The following CYYR1 variants were observed in gnomAD, a reference collection of about 807,000 sequenced individuals.
The protein encoded by CYYR1 is cysteine and tyrosine rich 1.
CYYR1 carries 14 observed loss-of-function variants against 15.2 expected under a neutral mutation model. That is an observed-to-expected ratio of 0.92 (90% CI 0.61 to 1.44). The LOEUF (loss-of-function observed/expected upper bound fraction) is 1.44, where lower values mean the gene tolerates loss of function less well. CYYR1 is among the 40% of genes most tolerant of loss of function. The pLI, the probability that CYYR1 is intolerant of heterozygous loss-of-function variation, is 0.00. For missense variants in CYYR1, 228 were observed against 209.5 expected, an observed-to-expected ratio of 1.09 and a Z score of -0.54; for synonymous variants, 80 against 77.4, an observed-to-expected ratio of 1.03 and a Z score of -0.18.
chr21:26,481,011 A>G (rs1397054258), intron 2 of CYYR1, among the ~76,000 whole-genome samples: 1 of 152,180 alleles, frequency 6.6e-6, no homozygotes, highest in Admixed American at 6.5e-5. Context: ...GAAGAACATA[A>G]ATAAAACTTC....
rs1415431706 is a variant in CYYR1 at position 26,466,826 on chromosome 21, T to A, written c.*1675A>T. On this transcript the variant is annotated 3_prime_UTR_variant, in exon 4 of 4. Transcript: ENST00000652641. ...CCCTCACCAGAACAGGCTGAAACTC[T>A]TGAATGCTTTGCATCCTCATATATA... 1 of 152,178 alleles carries A rather than the reference T, an allele frequency of 6.6e-6. No homozygotes were observed. Among genetic ancestry groups the A allele is most frequent in the Non-Finnish European group, 1.5e-5 (1 of 68,018 alleles). 9.4% of individuals were successfully genotyped at this position (152,178 alleles called of 1,614,324 possible). A position where few individuals can be genotyped will look rare whatever the true frequency, so the allele number is the denominator to read the frequency against.
At position 26,468,769 on chromosome 21, in the gene CYYR1, G is replaced by C. The variant is rs1295497725; in HGVS notation, c.335-135C>G. 4.8e-6 allele frequency: 3 copies of C among 629,922 alleles called. No individual in the cohort carries two copies. In the African/African-American group the frequency reaches 5.5e-5, roughly 11 times the overall value. The allele number at this position is 629,922 out of a possible 1,614,324, so 39.0% of individuals were successfully genotyped here. On this transcript the variant is annotated intron_variant, in intron 3 of 3. Coordinates refer to ENST00000652641, the MANE Select transcript of CYYR1 (RefSeq NM_001320768.2). ...AAAAATCTTAGTTTTATTAGGTCAGGACCACATATGTATGAAAGGGTAAGT... is the reference window on the plus strand; with the variant it reads ...AAAAATCTTAGTTTTATTAGGTCAGCACCACATATGTATGAAAGGGTAAGT...
chr21:26,538,905 T>C (rs1008608243), intron 2 of CYYR1, among the ~76,000 whole-genome samples: 5 of 152,192 alleles, frequency 3.3e-5, no homozygotes, highest in African/African-American at 1.2e-4. Context: ...ATTAAATTTG[T>C]GATATAGTCA....
chr21:26,547,621 C>T (rs1306085871), intron 2 of CYYR1, among the ~76,000 whole-genome samples: 1 of 152,154 alleles, frequency 6.6e-6, no homozygotes, highest in East Asian at 1.9e-4. Flanking sequence ...CTCCCATGCG[C>T]ATTAATAATT....
In CYYR1 at chr21:26,530,375, C is replaced by T. The variant is rs571672710; in HGVS notation, c.176+35891G>A. 2.6e-5 allele frequency among the ~76,000 whole-genome samples: 4 copies of T among 151,792 alleles called. 1 individual carries two copies. The South Asian group carries it at 8.4e-4, about 32-fold the overall frequency. ...GCAGCATTTTCTGCAAATGTTGCCT[C>T]CAGTTATAGTTTTTCTTTTAATTGT... On this transcript the variant is annotated intron_variant, in intron 2 of 3. Coordinates refer to ENST00000652641, the MANE Select transcript of CYYR1 (RefSeq NM_001320768.2).
At chr21:26,489,606 T>C (rs2065298425) in intron 2 of CYYR1, among the ~76,000 whole-genome samples, 1 of 151,936 alleles carries the variant, frequency 6.6e-6, no homozygotes, top group Admixed American at 6.6e-5. Context: ...GATATATATT[T>C]AACTGTGTGG....
chr21:26,485,209 A>G (rs1480606628), intron 2 of CYYR1, among the ~76,000 whole-genome samples: 2 of 152,064 alleles, frequency 1.3e-5, no homozygotes, highest in Non-Finnish European at 2.9e-5. Context: ...ATTTTAAAAT[A>G]ATTATAAATT....
intron 2 of CYYR1, among the ~76,000 whole-genome samples, chr21:26,512,755 G>GT (rs1445772713): frequency 6.6e-6 from 1 of 152,128 alleles, no homozygotes; most frequent in Non-Finnish European, 1.5e-5. Context: ...GAGTTGAGTA[G>GT]TTACAACATA....
intron 2 of CYYR1, among the ~76,000 whole-genome samples, chr21:26,484,701 T>A (rs2065228297): frequency 6.6e-6 from 1 of 152,118 alleles, no homozygotes; most frequent in Non-Finnish European, 1.5e-5. Context: ...GCATAGAGTT[T>A]CCAAACTATG....
chr21:26,484,400 T>C (rs139877796), intron 2 of CYYR1, among the ~76,000 whole-genome samples: 265 of 152,270 alleles, frequency 1.7e-3, no homozygotes, highest in African/African-American at 6.2e-3. Flanking sequence ...ATTAAGAATA[T>C]CAATAATCTC....
In CYYR1 at chr21:26,572,988, G is replaced by C. The variant is rs1165299406; in HGVS notation, c.-48C>G. The C allele has an allele frequency of 1.2e-6, 2 of 1,612,898 alleles. No individual in the cohort carries two copies. Among genetic ancestry groups the C allele is most frequent in the South Asian group, 1.1e-5 (1 of 90,890 alleles). Reference sequence around the variant, plus strand: ...GGAGCGAAGGGAGAGCCCGGAACCGGAGGGAATGGGGAGGATGGAGGGCGA... The same window carrying C: ...GGAGCGAAGGGAGAGCCCGGAACCGCAGGGAATGGGGAGGATGGAGGGCGA... On this transcript the variant is annotated 5_prime_UTR_variant, in exon 1 of 4. Coordinates refer to ENST00000652641, the MANE Select transcript of CYYR1 (RefSeq NM_001320768.2).
intron 3 of CYYR1, chr21:26,470,446 G>C (rs1473035961): frequency 2.0e-5 from 3 of 152,122 alleles, no homozygotes; most frequent in Non-Finnish European, 4.4e-5. Context: ...GAGGTGATTG[G>C]ATCATGGGGG....
chr21:26,499,584 C>T (rs888668797), intron 2 of CYYR1, among the ~76,000 whole-genome samples: 6 of 152,090 alleles, frequency 3.9e-5, no homozygotes, highest in Admixed American at 2.0e-4. Flanking sequence ...AAGGAGAAAA[C>T]CTGGTGCATT....
intron 2 of CYYR1, among the ~76,000 whole-genome samples, 196 bp from the exon 3 acceptor site, chr21:26,480,625 A>G (rs1157792094): frequency 2.6e-5 from 4 of 152,000 alleles, no homozygotes; most frequent in African/African-American, 9.7e-5. Context: ...CTGTATTTCA[A>G]TAGATATGAA....
chr21:26,540,342 A>C (rs552236366), intron 2 of CYYR1, among the ~76,000 whole-genome samples: 3 of 152,280 alleles, frequency 2.0e-5, no homozygotes, highest in Admixed American at 6.5e-5. Flanking sequence ...CTTTTTGGCT[A>C]ACGGCATGCC....
chr21:26,555,112 C>T (rs961683545), intron 2 of CYYR1, among the ~76,000 whole-genome samples: 4 of 152,130 alleles, frequency 2.6e-5, no homozygotes, highest in African/African-American at 9.7e-5. Flanking sequence ...TGGTATTTCT[C>T]TTACAACTTC....
intron 2 of CYYR1, among the ~76,000 whole-genome samples, chr21:26,545,504 T>C (rs1569169089): frequency 2.6e-5 from 4 of 151,468 alleles, no homozygotes; most frequent in Admixed American, 2.0e-4. Flanking sequence ...TAATGAGTGA[T>C]AGTACAGGCT....
intron 2 of CYYR1, among the ~76,000 whole-genome samples, chr21:26,540,838 G>T (rs1978501986): frequency 6.6e-6 from 1 of 152,100 alleles, no homozygotes; most frequent in South Asian, 2.1e-4. Context: ...GTTAGAACAG[G>T]CTAGCAAGGA....
At chr21:26,507,683 A>C (rs222976) in intron 2 of CYYR1, among the ~76,000 whole-genome samples, 2,030 of 152,346 alleles carry the variant, frequency 0.013, 34 homozygotes, top group South Asian at 0.089. Context: ...CACCTCAAGT[A>C]AGAACAAGTT....
Sources: gnomAD v4.1 joint callset for allele counts (sites outside exome capture counted in the v4.1 genomes callset) on GRCh38, gnomAD v4.1.1 for gene constraint, MANE v1.5 for transcripts, NCBI Gene and HGNC (gene_info 2026-07-23, HGNC 2026-07-21) for gene names.